Variants in COL24A1 observed in about 807,000 individuals in gnomAD.
COL24A1 encodes the protein collagen alpha-1(XXIV) chain.
Under a neutral mutation model 253.9 loss-of-function variants are expected in COL24A1, and 224 were observed. The observed-to-expected ratio is 0.88, with a 90% CI of 0.79 to 0.99. The LOEUF (loss-of-function observed/expected upper bound fraction) is 0.99, where lower values mean the gene tolerates loss of function less well. Ranked by LOEUF, COL24A1 falls within the 50% of genes least tolerant of loss-of-function variation. The pLI is 0.00. For synonymous variants in COL24A1, 685 were observed against 673.7 expected (o/e 1.02, Z -0.26); for missense variants, 2,131 against 2,068.5 (o/e 1.03, Z -0.59).
intron 37 of COL24A1, among the ~76,000 whole-genome samples, chr1:85,856,676 C>T (rs1032481349): frequency 6.6e-6 from 1 of 152,174 alleles, no homozygotes; most frequent in East Asian, 1.9e-4. Context: ...AAACTGCTTT[C>T]CTCCTACTCT....
At chr1:85,768,637 G>A (rs1667641428) in intron 53 of COL24A1, among the ~76,000 whole-genome samples, 1 of 151,900 alleles carries the variant, frequency 6.6e-6, no homozygotes, top group South Asian at 2.1e-4. Flanking sequence ...CACATATTCA[G>A]ATCTGGAAAG....
chr1:85,956,065 G>C lies in COL24A1; in HGVS notation c.2562+5184C>G, dbSNP rs1037217167. On this transcript the variant is annotated intron_variant, in intron 24 of 59. Coordinates refer to ENST00000370571, the MANE Select transcript of COL24A1 (RefSeq NM_152890.7). ...TGATGATTACCTGATGCAGAAAAGAGAGACTTGGAACGGAAGATAAAAATT... is the reference window on the plus strand; with the variant it reads ...TGATGATTACCTGATGCAGAAAAGACAGACTTGGAACGGAAGATAAAAATT... Among the ~76,000 whole-genome samples the C allele has an allele frequency of 3.9e-5, 6 of 152,320 alleles. No homozygotes were observed. The East Asian group carries it at 9.6e-4, about 24-fold the overall frequency.
Position 86,132,001 on chromosome 1 carries a change from C to G in COL24A1, c.122-5787G>C, listed in dbSNP as rs1296980531. Among the ~76,000 whole-genome samples the G allele has an allele frequency of 2.0e-5, 3 of 152,234 alleles. No homozygotes were observed. The East Asian group carries it at 5.8e-4, about 29-fold the overall frequency. Reference sequence around the variant, plus strand: ...CAACAGTGTAAAAGTGTTCCTATTTCTCTACATCCTCCTCTCCAGCACTTG... The same window carrying G: ...CAACAGTGTAAAAGTGTTCCTATTTGTCTACATCCTCCTCTCCAGCACTTG... On this transcript the variant is annotated intron_variant, in intron 2 of 59. Coordinates refer to ENST00000370571, the MANE Select transcript of COL24A1 (RefSeq NM_152890.7).
intron 31 of COL24A1, among the ~76,000 whole-genome samples, chr1:85,891,176 G>T (rs55825114): frequency 6.7e-6 from 1 of 150,154 alleles, no homozygotes; most frequent in African/African-American, 2.4e-5. Flanking sequence ...TCGGCCTCCC[G>T]AGTAGCTGGG....
intron 24 of COL24A1, among the ~76,000 whole-genome samples, chr1:85,926,095 C>T (rs1687177443): frequency 6.6e-6 from 1 of 152,184 alleles, no homozygotes; most frequent in Non-Finnish European, 1.5e-5. Flanking sequence ...CACTGGCCAT[C>T]AGAGAAATGC....
intron 28 of COL24A1, among the ~76,000 whole-genome samples, chr1:85,906,250 G>C (rs992614052): frequency 4.5e-5 from 1 of 22,284 alleles, no homozygotes; most frequent in Non-Finnish European, 1.1e-4. Context: ...TTGCCAACTG[G>C]AAAACTGCAA....
intron 55 of COL24A1, among the ~76,000 whole-genome samples, chr1:85,760,099 CAG>C (rs1666699154): frequency 6.6e-6 from 1 of 151,154 alleles, no homozygotes; most frequent in South Asian, 2.1e-4. Flanking sequence ...TTTTTTGAGA[CAG>C]AGTCTTGCTC....
Position 85,909,954 on chromosome 1 carries a change from A to G in COL24A1, c.2666T>C (p.Val889Ala). 3.1e-6 allele frequency: 5 copies of G among 1,609,532 alleles called. No homozygotes were observed. Among genetic ancestry groups the G allele is most frequent in the Non-Finnish European group, 4.3e-6 (5 of 1,176,318 alleles). The change falls in exon 26 of 60, where the codon GTT (valine) becomes GCT (alanine). Residue 889 changes from valine (V) to alanine (A), a missense_variant. Coordinates refer to ENST00000370571, the MANE Select transcript of COL24A1 (RefSeq NM_152890.7). ...TTCAAATCACTGAGCTCTTACCATA[A>G]CACCTTTTTCTCCCTGCGGACCTAG... ...GPLGPQGEKGVMGYPGPPGVP... is the reference protein window; with the variant it reads ...GPLGPQGEKGAMGYPGPPGVP...
Position 86,049,168 on chromosome 1 carries a change from T to C in COL24A1, c.1905+956A>G, listed in dbSNP as rs1351378345. On this transcript the variant is annotated intron_variant, in intron 11 of 59. Coordinates refer to ENST00000370571, the MANE Select transcript of COL24A1 (RefSeq NM_152890.7). ...GTTTTTTGCTATTGAACAAAACAACTTGCTATGTTCACCAGGGGAAAATCT... is the reference window on the plus strand; with the variant it reads ...GTTTTTTGCTATTGAACAAAACAACCTGCTATGTTCACCAGGGGAAAATCT... Among the ~76,000 whole-genome samples the C allele has an allele frequency of 2.0e-5, 3 of 152,184 alleles. No individual in the cohort carries two copies. In the East Asian group the frequency reaches 5.8e-4, roughly 29 times the overall value.
chr1:86,049,921 T>G (rs1456641768), intron 11 of COL24A1, among the ~76,000 whole-genome samples: 2 of 152,124 alleles, frequency 1.3e-5, no homozygotes, highest in Non-Finnish European at 2.9e-5. Flanking sequence ...ACAATTATAT[T>G]TCTATCATGC....
chr1:86,062,536 T>A (rs1173196388), intron 8 of COL24A1, among the ~76,000 whole-genome samples: 2 of 152,048 alleles, frequency 1.3e-5, no homozygotes, highest in East Asian at 3.9e-4. Context: ...CCAGTACTAG[T>A]TTATGGAGCA....
At chr1:86,087,913 C>G (rs1315441704) in intron 7 of COL24A1, among the ~76,000 whole-genome samples, 1 of 152,138 alleles carries the variant, frequency 6.6e-6, no homozygotes. Context: ...GTCTGAAGGA[C>G]ATTAAAATAA....
intron 6 of COL24A1, among the ~76,000 whole-genome samples, chr1:86,090,565 C>T (rs1048297784): frequency 6.6e-6 from 1 of 152,008 alleles, no homozygotes; most frequent in African/African-American, 2.4e-5. Flanking sequence ...CAATTGTTTG[C>T]CCACCCCCTT....
intron 2 of COL24A1, among the ~76,000 whole-genome samples, chr1:86,140,563 T>C (rs956008170): frequency 6.6e-6 from 1 of 152,246 alleles, no homozygotes; most frequent in Non-Finnish European, 1.5e-5. Context: ...GATTAATTTC[T>C]ATGGGAAATT....
chr1:86,084,830 C>G (rs187988733), intron 7 of COL24A1, among the ~76,000 whole-genome samples: 2 of 152,276 alleles, frequency 1.3e-5, no homozygotes, highest in East Asian at 3.9e-4. Flanking sequence ...ATACCTTGTT[C>G]TCAGCTTCCC....
rs977754950 is a variant in COL24A1 at position 86,095,171 on chromosome 1, T to G, written c.1600-2851A>C. On this transcript the variant is annotated intron_variant, in intron 5 of 59. Transcript: ENST00000370571. ...AAAATTCTTACGTTTAGATCCTATT[T>G]GAATTTTCTATCATCTGTCAGCTTT... 1.4e-4 allele frequency among the ~76,000 whole-genome samples: 21 copies of G among 152,200 alleles called. 3 individuals carry two copies. Among genetic ancestry groups the G allele is most frequent in the Admixed American group, 5.2e-4 (8 of 15,290 alleles).
At chr1:85,953,809 T>C (rs1690166782) in intron 24 of COL24A1, among the ~76,000 whole-genome samples, 1 of 152,192 alleles carries the variant, frequency 6.6e-6, no homozygotes, top group Non-Finnish European at 1.5e-5. Context: ...CAGAATTACA[T>C]TGAATGTGAT....
intron 47 of COL24A1, among the ~76,000 whole-genome samples, chr1:85,793,962 A>G (rs1418932685): frequency 1.3e-5 from 2 of 152,156 alleles, no homozygotes; most frequent in Non-Finnish European, 2.9e-5. Context: ...CCGAAGAGAG[A>G]GCAGATTTTA....
chr1:85,884,374 C>T (rs995201369), intron 32 of COL24A1, among the ~76,000 whole-genome samples: 1 of 152,064 alleles, frequency 6.6e-6, no homozygotes, highest in Non-Finnish European at 1.5e-5. Context: ...TATGGTGTCT[C>T]AGGCTAAAAT....
Sources: allele counts gnomAD v4.1 joint callset (sites outside exome capture counted in the v4.1 genomes callset), GRCh38; gene constraint gnomAD v4.1.1; transcripts MANE v1.5; gene names NCBI Gene and HGNC (gene_info 2026-07-23, HGNC 2026-07-21).